The following ELAC1 variants were observed in gnomAD, a reference collection of about 807,000 sequenced individuals.
ELAC1 encodes elaC ribonuclease Z 1.
Under a neutral mutation model 25.8 loss-of-function variants are expected in ELAC1, and 19 were observed. The ratio of observed to expected loss-of-function variants is 0.74; its 90% CI spans 0.51 to 1.08. The LOEUF (loss-of-function observed/expected upper bound fraction) is 1.08. ELAC1 is among the 50% of genes least tolerant of loss of function. The pLI is 0.00. For synonymous variants in ELAC1, 148 were observed against 160.9 expected, an observed-to-expected ratio of 0.92 and a Z score of 0.61; for missense variants, 403 against 434.6, an observed-to-expected ratio of 0.93 and a Z score of 0.65.
intron 3 of ELAC1, chr18:50,984,927 G>T: frequency 7.0e-6 from 2 of 284,042 alleles, no homozygotes; most frequent in Non-Finnish European, 1.3e-5. Context: ...GCGAAACTCT[G>T]TCTCAAAAAA....
chr18:50,969,513 C>T (rs547990498), intron 1 of ELAC1: 1 of 152,324 alleles, frequency 6.6e-6, no homozygotes, highest in East Asian at 1.9e-4. Flanking sequence ...CGTAGGGTAA[C>T]AATTGACCAG....
Position 50,983,704 on chromosome 18 carries a change from A to C in ELAC1, c.158-392A>C, listed in dbSNP as rs538471044. On this transcript the variant is annotated intron_variant, in intron 2 of 3. Coordinates refer to ENST00000269466, the MANE Select transcript of ELAC1 (RefSeq NM_018696.3). ...TTTCTACAAAATTAAAAAAAAAAAA[A>C]AAAAACCAGGCATAGTGGTAGGGTC... Among the ~76,000 whole-genome samples the C allele has an allele frequency of 3.3e-5, 5 of 151,656 alleles. No homozygotes were observed. In the East Asian group the frequency reaches 5.8e-4, roughly 18 times the overall value.
rs115588493 is a variant in ELAC1, at chr18:50,979,871, C to T, written c.158-4225C>T. ...CCTCCTGAGTAGCTGAGATTACAGG[C>T]ACATACCATGACACCTGGCTAATTT... is the stretch of plus-strand genomic sequence containing the variant. On this transcript the variant is annotated intron_variant, in intron 2 of 3. Transcript: ENST00000269466. Among the ~76,000 whole-genome samples the T allele has an allele frequency of 4.2e-3, 637 of 152,142 alleles. 5 individuals carry two copies. The highest frequency in any genetic ancestry group is 0.014 in the African/African-American group (599 of 41,510).
Position 50,986,911 on chromosome 18 carries a change from A to G in ELAC1, c.918A>G (p.Ala306=), listed in dbSNP as rs769661142. Residue 306 remains alanine (A), a synonymous_variant, in exon 4 of 4, where the codon GCA becomes GCG. Transcript: ENST00000269466. ...MAATFAKLCR[A]KRLVLTHFSQ... ...CAACATTTGCAAAGTTGTGCCGTGC[A>G]AAGAGGCTGGTTCTGACTCACTTCA... The G allele has an allele frequency of 1.1e-5, 18 of 1,613,914 alleles. No homozygotes were observed. The South Asian group carries it at 1.8e-4, about 16-fold the overall frequency.
chr18:50,985,843 T>A (rs909004972), intron 3 of ELAC1, among the ~76,000 whole-genome samples: 1 of 152,060 alleles, frequency 6.6e-6, no homozygotes, highest in Non-Finnish European at 1.5e-5. Flanking sequence ...AATACGAGAT[T>A]TAAGCCCACT....
intron 1 of ELAC1, among the ~76,000 whole-genome samples, chr18:50,971,694 C>A (rs1490116615): frequency 6.6e-6 from 1 of 151,828 alleles, no homozygotes; most frequent in African/African-American, 2.4e-5. Flanking sequence ...CATACCCAGC[C>A]TCTTTGTTCT....
chr18:50,975,229 T>C (rs1277482465), intron 2 of ELAC1, among the ~76,000 whole-genome samples: 1 of 152,114 alleles, frequency 6.6e-6, no homozygotes, highest in African/African-American at 2.4e-5. Flanking sequence ...AAAATGGGGA[T>C]AAAAAGTCTA....
chr18:50,985,844 T>TTAATATCA (rs1908093968), intron 3 of ELAC1, among the ~76,000 whole-genome samples: 2 of 152,106 alleles, frequency 1.3e-5, no homozygotes, highest in Non-Finnish European at 2.9e-5. Flanking sequence ...ATACGAGATT[T>TTAATATCA]AAGCCCACTT....
intron 1 of ELAC1, among the ~76,000 whole-genome samples, chr18:50,974,164 G>A (rs1190714407): frequency 6.6e-6 from 1 of 152,138 alleles, no homozygotes; most frequent in East Asian, 1.9e-4. Flanking sequence ...TTAATTGCCT[G>A]GGTTTGGTTA....
chr18:50,981,325 A>G (rs996718762), intron 2 of ELAC1, among the ~76,000 whole-genome samples: 5 of 152,028 alleles, frequency 3.3e-5, no homozygotes, highest in African/African-American at 1.2e-4. Context: ...TGGTGATAGT[A>G]TGGGAGTGTG....
At chr18:50,980,257 C>T (rs1439091078) in intron 2 of ELAC1, among the ~76,000 whole-genome samples, 3 of 151,892 alleles carry the variant, frequency 2.0e-5, no homozygotes, top group African/African-American at 7.3e-5. Flanking sequence ...CTGCAATGAG[C>T]CATGATTGAG....
At chr18:50,972,791 T>G (rs1025860741) in intron 1 of ELAC1, among the ~76,000 whole-genome samples, 3 of 152,296 alleles carry the variant, frequency 2.0e-5, no homozygotes, top group Admixed American at 2.0e-4. Flanking sequence ...CCTATTCTGT[T>G]TTAATTATGT....
intron 1 of ELAC1, among the ~76,000 whole-genome samples, chr18:50,970,168 T>C (rs186123587): frequency 8.1e-4 from 123 of 152,262 alleles, no homozygotes; most frequent in Admixed American, 2.7e-3. Flanking sequence ...TTCCCCAGGC[T>C]GCTCTTGAAT....
At chr18:50,973,187 T>G (rs1907708374) in intron 1 of ELAC1, among the ~76,000 whole-genome samples, 1 of 152,216 alleles carries the variant, frequency 6.6e-6, no homozygotes. Flanking sequence ...TTACTGAAGT[T>G]TTTGTATATT....
chr18:50,982,221 C>T (rs912501607), intron 2 of ELAC1, among the ~76,000 whole-genome samples: 4 of 151,798 alleles, frequency 2.6e-5, no homozygotes, highest in Admixed American at 6.6e-5. Flanking sequence ...GACAGGGAGA[C>T]GGGGGAAATG....
chr18:50,981,151 A>C (rs1458449523), intron 2 of ELAC1, among the ~76,000 whole-genome samples: 1 of 145,448 alleles, frequency 6.9e-6, no homozygotes, highest in African/African-American at 2.6e-5. Flanking sequence ...CCCTATACTT[A>C]TGTGTACACA....
intron 2 of ELAC1, among the ~76,000 whole-genome samples, chr18:50,980,192 G>A (rs559905954): frequency 2.4e-4 from 36 of 152,154 alleles, no homozygotes; most frequent in African/African-American, 8.4e-4. Context: ...AAAGCCAGAT[G>A]TGGTCCCAGT....
chr18:50,974,584 C>T, intron 2 of ELAC1, 23 bp downstream of exon 2: 1 of 1,611,606 alleles, frequency 6.2e-7, no homozygotes, highest in South Asian at 1.1e-5. Flanking sequence ...TCAGCTATCT[C>T]ATTAAGATTT....
At chr18:50,981,028 A>C (rs1208345622) in intron 2 of ELAC1, among the ~76,000 whole-genome samples, 1 of 152,134 alleles carries the variant, frequency 6.6e-6, no homozygotes. Flanking sequence ...TAATGTACTC[A>C]TGACCAGATA....
Sources: gnomAD v4.1 joint callset for allele counts (sites outside exome capture counted in the v4.1 genomes callset) on GRCh38, gnomAD v4.1.1 for gene constraint, MANE v1.5 for transcripts, NCBI Gene and HGNC (gene_info 2026-07-23, HGNC 2026-07-21) for gene names.